The following BCAT1 variants were observed in gnomAD, a reference collection of about 807,000 sequenced individuals.
The protein encoded by BCAT1 is branched-chain-amino-acid aminotransferase, cytosolic.
A neutral mutation model predicts 52.4 loss-of-function variants in BCAT1; 48 were observed. That is an observed-to-expected ratio of 0.92 (90% CI 0.73 to 1.16). The LOEUF is 1.16. Ranked by LOEUF, BCAT1 falls within the 50% of genes most tolerant of loss-of-function variation. The pLI, the probability that BCAT1 is intolerant of heterozygous loss-of-function variation, is 0.00. For synonymous variants in BCAT1, 167 were observed against 161.3 expected, an observed-to-expected ratio of 1.04 and a Z score of -0.27; for missense variants, 451 against 457.1, an observed-to-expected ratio of 0.99 and a Z score of 0.12.
chr12:24,923,220 A>T (rs1591878827), intron 1 of BCAT1, among the ~76,000 whole-genome samples: 1 of 152,168 alleles, frequency 6.6e-6, no homozygotes, highest in Admixed American at 6.5e-5. Flanking sequence ...GGGAATGGTG[A>T]GAACCCTCCA....
In BCAT1 at chr12:24,816,834, C is replaced by A; in HGVS notation, c.*1174G>T. The A allele has an allele frequency of 2.9e-6, 1 of 349,920 alleles. No individual in the cohort carries two copies. The highest frequency in any genetic ancestry group is 5.1e-6 in the Non-Finnish European group (1 of 194,936). The allele number at this position is 349,920 out of a possible 1,614,324, so 21.7% of individuals were successfully genotyped here. On this transcript the variant is annotated 3_prime_UTR_variant, in exon 11 of 11. Coordinates refer to ENST00000261192, the MANE Select transcript of BCAT1 (RefSeq NM_005504.7). ...TAGATTCTCATAAGGAGCGCATAGC[C>A]TAGATCCCTTGCATGCAGAGTTCAC...
At chr12:24,880,325 C>T (rs943033752) in intron 4 of BCAT1, among the ~76,000 whole-genome samples, 3 of 152,130 alleles carry the variant, frequency 2.0e-5, no homozygotes, top group Non-Finnish European at 4.4e-5. Flanking sequence ...GGCATGGCTG[C>T]GTGCACTTGT....
In BCAT1 at chr12:24,829,871, A is replaced by G; in HGVS notation, c.1071T>C (p.Asn357=). 1.2e-6 allele frequency: 2 copies of G among 1,611,438 alleles called. No homozygotes were observed. Among genetic ancestry groups the G allele is most frequent in the South Asian group, 2.2e-5 (2 of 90,526 alleles). Residue 357 remains asparagine, a synonymous_variant, in exon 10 of 11, where the codon AAT becomes AAC. Coordinates refer to ENST00000261192, the MANE Select transcript of BCAT1 (RefSeq NM_005504.7). The part of the protein sequence containing the change: ...GETIHIPTME[N]GPKLASRILS... The stretch of plus-strand genomic sequence containing the variant: ...AGATGCGGCTTGCCAGCTTAGGACC[A>G]TTCTCCATAGTTGGAATGTGTATTG...
At position 24,816,315 on chromosome 12, in the gene BCAT1, G is replaced by A. The variant is rs184285416; in HGVS notation, c.*1693C>T. 5.9e-5 allele frequency: 23 copies of A among 392,260 alleles called. No individual in the cohort carries two copies. The highest frequency in any genetic ancestry group is 4.0e-4 in the East Asian group (11 of 27,782). 24.3% of individuals were successfully genotyped at this position (392,260 alleles called of 1,614,324 possible). On this transcript the variant is annotated 3_prime_UTR_variant, in exon 11 of 11. Coordinates refer to ENST00000261192, the MANE Select transcript of BCAT1 (RefSeq NM_005504.7). ...CTTCTCTGAAAAGAGAATAAAATAT[G>A]TTCAGCAAGAAGGAAGTTATGAGGA...
At chr12:24,834,028 C>T (rs1017202340) in intron 8 of BCAT1, 12 of 383,890 alleles carry the variant, frequency 3.1e-5, no homozygotes, top group African/African-American at 2.6e-4. Context: ...ATAGGGGTCT[C>T]CCTATGTTGC....
At chr12:24,836,681 T>C in intron 7 of BCAT1, 85 bp from the exon 8 acceptor site, 1 of 1,192,468 alleles carries the variant, frequency 8.4e-7, no homozygotes, top group Non-Finnish European at 1.2e-6. Context: ...TAAAAAACCA[T>C]CACAATTTTG....
At chr12:24,921,484 T>C (rs1399331381) in intron 1 of BCAT1, among the ~76,000 whole-genome samples, 1 of 152,196 alleles carries the variant, frequency 6.6e-6, no homozygotes, top group African/African-American at 2.4e-5. Flanking sequence ...TTTATCTCTC[T>C]ACTTAGAAAA....
chr12:24,844,561 C>A (rs4963810), intron 6 of BCAT1, among the ~76,000 whole-genome samples: 1 of 152,142 alleles, frequency 6.6e-6, no homozygotes, highest in Admixed American at 6.5e-5. Context: ...TGGTGATTGC[C>A]ATTGGAGCAC....
intron 7 of BCAT1, among the ~76,000 whole-genome samples, chr12:24,841,654 G>A (rs1941176730): frequency 6.6e-6 from 1 of 152,176 alleles, no homozygotes; most frequent in Admixed American, 6.5e-5. Flanking sequence ...TGTAATCCCA[G>A]CACTTTGGGA....
Position 24,934,440 on chromosome 12 carries a change from C to A in BCAT1, c.6+14487G>T, listed in dbSNP as rs55887037. Among the ~76,000 whole-genome samples, 424 of 152,224 alleles carry A rather than the reference C, an allele frequency of 2.8e-3. 2 individuals carry two copies. The highest frequency in any genetic ancestry group is 9.4e-3 in the African/African-American group (389 of 41,554). ...CTAATACACCCTCACAGCCTCAAGA[C>A]CTTGAGCAGTGTCTGATGCTTACAT... On this transcript the variant is annotated intron_variant, in intron 1 of 10. Coordinates refer to ENST00000261192, the MANE Select transcript of BCAT1 (RefSeq NM_005504.7).
chr12:24,820,461 T>C (rs1167820069), intron 10 of BCAT1, among the ~76,000 whole-genome samples: 8 of 152,162 alleles, frequency 5.3e-5, no homozygotes, highest in Admixed American at 3.9e-4. Context: ...TAAGTAAGTA[T>C]ACATAGAGGG....
chr12:24,932,857 G>A (rs1015461152), intron 1 of BCAT1, among the ~76,000 whole-genome samples: 1 of 152,124 alleles, frequency 6.6e-6, no homozygotes, highest in East Asian at 1.9e-4. Flanking sequence ...CGTCGCCCAG[G>A]CTGGAGTGCA....
At chr12:24,920,819 C>T (rs1001613684) in intron 1 of BCAT1, among the ~76,000 whole-genome samples, 2 of 152,186 alleles carry the variant, frequency 1.3e-5, no homozygotes, top group Non-Finnish European at 2.9e-5. Flanking sequence ...GTTGCCATGA[C>T]CCCCTCTTCC....
intron 1 of BCAT1, among the ~76,000 whole-genome samples, chr12:24,937,026 C>CGACA (rs1301760091): frequency 6.6e-6 from 1 of 152,018 alleles, no homozygotes; most frequent in African/African-American, 2.4e-5. Context: ...AAGCATTGGA[C>CGACA]GACATATGGT....
chr12:24,832,545 C>T (rs1170965238), intron 9 of BCAT1, among the ~76,000 whole-genome samples, 178 bp downstream of exon 9: 1 of 152,140 alleles, frequency 6.6e-6, no homozygotes, highest in Non-Finnish European at 1.5e-5. Flanking sequence ...ATAGCCACTG[C>T]ACTCCAGCCT....
chr12:24,942,929 T>G (rs974491672), intron 1 of BCAT1, among the ~76,000 whole-genome samples: 3 of 152,254 alleles, frequency 2.0e-5, no homozygotes, highest in African/African-American at 7.2e-5. Flanking sequence ...CATTGGTTGT[T>G]TATCTCTTGA....
At chr12:24,920,792 A>C (rs1943489866) in intron 1 of BCAT1, among the ~76,000 whole-genome samples, 1 of 152,198 alleles carries the variant, frequency 6.6e-6, no homozygotes, top group African/African-American at 2.4e-5. Flanking sequence ...CTGCTGACCA[A>C]CAGGTTTCAA....
At chr12:24,847,619 A>G (rs957096103) in intron 6 of BCAT1, among the ~76,000 whole-genome samples, 3 of 152,090 alleles carry the variant, frequency 2.0e-5, no homozygotes, top group African/African-American at 7.2e-5. Context: ...AAAAGAGAGA[A>G]AGAGAGAGAG....
At chr12:24,918,290 G>T (rs916794112) in intron 1 of BCAT1, among the ~76,000 whole-genome samples, 1 of 152,104 alleles carries the variant, frequency 6.6e-6, no homozygotes, top group African/African-American at 2.4e-5. Flanking sequence ...AGAACCATCG[G>T]GTGCCTGACA....
Sources: allele counts gnomAD v4.1 joint callset (sites outside exome capture counted in the v4.1 genomes callset), GRCh38; gene constraint gnomAD v4.1.1; transcripts MANE v1.5; gene names NCBI Gene and HGNC (gene_info 2026-07-23, HGNC 2026-07-21).